YJU2: variants seen among roughly 807,000 people sequenced by gnomAD.
YJU2 encodes splicing factor YJU2.
In YJU2, 28 loss-of-function variants were observed where a neutral mutation model predicts 39.6. That is an observed-to-expected ratio of 0.71 (90% CI 0.52 to 0.97). The LOEUF is 0.97. YJU2 is among the 50% of genes least tolerant of loss of function. The pLI, the probability that YJU2 is intolerant of heterozygous loss-of-function variation, is 0.00. For synonymous variants in YJU2, 184 were observed against 182.4 expected (o/e 1.01, Z -0.07); for missense variants, 328 against 430.4 (o/e 0.76, Z 2.11).
chr19:4,265,614 G>T (rs1196793836), intron 6 of YJU2, among the ~76,000 whole-genome samples: 1 of 150,550 alleles, frequency 6.6e-6, no homozygotes. Context: ...TTTTTGAGAC[G>T]GTCTTGTTCT....
chr19:4,264,412 A>G (rs543801961), intron 6 of YJU2, among the ~76,000 whole-genome samples: 48 of 151,586 alleles, frequency 3.2e-4, no homozygotes, highest in East Asian at 2.9e-3. Flanking sequence ...GGCTCAAGCA[A>G]TCCTCCCACC....
rs757249716 is a variant in YJU2 at position 4,268,919 on chromosome 19, C to T, written c.*223C>T. Reference sequence around the variant, plus strand: ...CTCAACACCTCGGGGACCCCTGCTGCTCCTGCCCCCACCTGTCACTGTGCT... The same window carrying T: ...CTCAACACCTCGGGGACCCCTGCTGTTCCTGCCCCCACCTGTCACTGTGCT... On this transcript the variant is annotated 3_prime_UTR_variant, in exon 8 of 8. Transcript: ENST00000262962. The T allele has an allele frequency of 6.2e-5, 35 of 560,858 alleles. No homozygotes were observed. Among genetic ancestry groups the T allele is most frequent in the Non-Finnish European group, 1.0e-4 (32 of 310,982 alleles). The allele number at this position is 560,858 out of a possible 1,614,324, so 34.7% of individuals were successfully genotyped here.
intron 4 of YJU2, among the ~76,000 whole-genome samples, chr19:4,256,049 C>T (rs1057378898): frequency 5.3e-5 from 8 of 151,296 alleles, no homozygotes; most frequent in African/African-American, 1.9e-4. Context: ...TGGTGTGCAC[C>T]TGTGGTCCCA....
intron 3 of YJU2, among the ~76,000 whole-genome samples, chr19:4,252,297 T>TA (rs59412491): frequency 2.0e-5 from 3 of 150,698 alleles, no homozygotes; most frequent in South Asian, 2.1e-4. Flanking sequence ...CCAACTCTAC[T>TA]AAAAAAAAAT....
intron 5 of YJU2, 55 bp downstream of exon 5, chr19:4,258,478 C>T (rs890213213): frequency 6.9e-5 from 106 of 1,529,896 alleles, no homozygotes; most frequent in Non-Finnish European, 8.8e-5. Flanking sequence ...CCCCGGCAGG[C>T]GCTGCCTCTG....
At chr19:4,258,657 A>T (rs1286000798) in intron 5 of YJU2, among the ~76,000 whole-genome samples, 1 of 152,222 alleles carries the variant, frequency 6.6e-6, no homozygotes, top group Non-Finnish European at 1.5e-5. Flanking sequence ...TCACAGCGAG[A>T]GGACACAGCA....
chr19:4,264,001 A>G (rs543997784), intron 6 of YJU2, among the ~76,000 whole-genome samples: 10 of 149,580 alleles, frequency 6.7e-5, no homozygotes, highest in Admixed American at 4.0e-4. Context: ...GGTGGCTCAC[A>G]CCTGTAATCC....
rs373508102 is a variant in YJU2, at chr19:4,258,372, C to T, written c.536C>T (p.Ser179Leu). 2.6e-5 allele frequency: 42 copies of T among 1,597,632 alleles called. No homozygotes were observed. Among genetic ancestry groups the T allele is most frequent in the Admixed American group, 1.8e-4 (10 of 57,048 alleles). The part of the protein sequence containing the change: ...FEAMLRQHRL[S>L]EEERRRQQQE... ...GCTATGCTGAGGCAGCACCGCCTGT[C>T]GGAGGAGGAGCGGCGGAGGCAGCAG... The change falls in exon 5 of 8, where the codon TCG becomes TTG. Residue 179 changes from serine to leucine, a missense_variant. Transcript: ENST00000262962.
At chr19:4,257,620 C>T (rs1000393285) in intron 4 of YJU2, among the ~76,000 whole-genome samples, 1 of 152,144 alleles carries the variant, frequency 6.6e-6, no homozygotes, top group Non-Finnish European at 1.5e-5. Context: ...ATTACAGGCA[C>T]ATGCCACTAC....
At chr19:4,254,585 A>C (rs1260868058) in intron 4 of YJU2, 96 bp downstream of exon 4, 1 of 1,440,956 alleles carries the variant, frequency 6.9e-7, no homozygotes, top group Non-Finnish European at 9.2e-7. Context: ...GTCCCCAAGG[A>C]AGGAAGATGG....
At chr19:4,247,489 C>A in intron 1 of YJU2, 1 of 265,352 alleles carries the variant, frequency 3.8e-6, no homozygotes. Flanking sequence ...CCGTGTTTTG[C>A]CCTCTTCTTG....
chr19:4,265,398 A>G (rs1029025223), intron 6 of YJU2, among the ~76,000 whole-genome samples: 1 of 151,082 alleles, frequency 6.6e-6, no homozygotes, highest in African/African-American at 2.4e-5. Flanking sequence ...ACAAGTGTGT[A>G]GTGTGTGCCA....
chr19:4,258,209 A>C (rs1971038214), intron 4 of YJU2, 33 bp from the exon 5 acceptor site: 3 of 1,547,920 alleles, frequency 1.9e-6, no homozygotes, highest in Admixed American at 2.0e-5. Flanking sequence ...TGCGATCCCC[A>C]TGCACTCAGC....
intron 6 of YJU2, among the ~76,000 whole-genome samples, chr19:4,265,434 C>A (rs1971107896): frequency 6.9e-6 from 1 of 145,618 alleles, no homozygotes; most frequent in Admixed American, 6.7e-5. Flanking sequence ...TTTTAATTTT[C>A]TTTTCTTTTT....
In YJU2 at chr19:4,268,815, A is replaced by C. The variant is rs1971139454; in HGVS notation, c.*119A>C. The C allele has an allele frequency of 2.8e-6, 2 of 719,294 alleles. No individual in the cohort carries two copies. Among genetic ancestry groups the C allele is most frequent in the Admixed American group, 2.4e-5 (1 of 42,154 alleles). The allele number at this position is 719,294 out of a possible 1,614,324, so 44.6% of individuals were successfully genotyped here. A position where few individuals can be genotyped will look rare whatever the true frequency, so the allele number is the denominator to read the frequency against. ...GGCGTGACTGGAGGCCGGACAGACA[A>C]GCGCCAGCGTGCTCCAACACATAGG... On this transcript the variant is annotated 3_prime_UTR_variant, in exon 8 of 8. Coordinates refer to ENST00000262962, the MANE Select transcript of YJU2 (RefSeq NM_018074.6).
At chr19:4,253,581 C>CAAAAAA (rs1970995456) in intron 3 of YJU2, among the ~76,000 whole-genome samples, 1 of 151,284 alleles carries the variant, frequency 6.6e-6, no homozygotes, top group Admixed American at 6.6e-5. Flanking sequence ...ACCCTGTCCC[C>CAAAAAA]AAAAAAATAA....
At position 4,248,835 on chromosome 19, in the gene YJU2, C is replaced by T. The variant is rs537186186; in HGVS notation, c.25-393C>T. Among the ~76,000 whole-genome samples, 7 of 152,206 alleles carry T rather than the reference C, an allele frequency of 4.6e-5. No individual in the cohort carries two copies. In the South Asian group the frequency reaches 1.5e-3, roughly 32 times the overall value. The stretch of plus-strand genomic sequence containing the variant: ...TGTAGAGGCTGAGGCAGGAGAATCG[C>T]TTGAACCCAGGAGGCGGAGGTTGCA... On this transcript the variant is annotated intron_variant, in intron 1 of 7. Transcript: ENST00000262962.
intron 3 of YJU2, among the ~76,000 whole-genome samples, chr19:4,252,384 G>A (rs1970984297): frequency 6.6e-6 from 1 of 151,108 alleles, no homozygotes; most frequent in Non-Finnish European, 1.5e-5. Context: ...GGATCATGAG[G>A]TCAGGAGATC....
intron 3 of YJU2, among the ~76,000 whole-genome samples, chr19:4,253,198 TAC>T (rs58339658): frequency 0.1 from 14,481 of 138,878 alleles, 911 homozygotes; most frequent in Middle Eastern, 0.25. Flanking sequence ...TGTCCGTGTC[TAC>T]ACACACACAC....
Sources: allele counts gnomAD v4.1 joint callset (sites outside exome capture counted in the v4.1 genomes callset), GRCh38; gene constraint gnomAD v4.1.1; transcripts MANE v1.5; gene names NCBI Gene and HGNC (gene_info 2026-07-23, HGNC 2026-07-21).